The following GLYATL2 variants were observed in gnomAD, a reference collection of about 807,000 sequenced individuals.
GLYATL2 encodes the protein glycine N-acyltransferase-like protein 2.
In GLYATL2, 25 loss-of-function variants were observed where a neutral mutation model predicts 21.4. The observed-to-expected ratio is 1.17, with a 90% CI of 0.85 to 1.63. The LOEUF (loss-of-function observed/expected upper bound fraction) is 1.63. Among genes scored for constraint, GLYATL2 ranks in the 40% most tolerant of loss-of-function variants. The probability of loss-of-function intolerance (pLI) is 0.00; values close to 1 mark genes in which losing one functional copy is unlikely to be tolerated. For synonymous variants in GLYATL2, 114 were observed against 118.2 expected (o/e 0.96, Z 0.23); for missense variants, 361 against 343.3 (o/e 1.05, Z -0.41).
At chr11:58,901,043 A>C (rs1854730147) in intron 1 of GLYATL2, among the ~76,000 whole-genome samples, 1 of 152,226 alleles carries the variant, frequency 6.6e-6, no homozygotes, top group Admixed American at 6.5e-5. Flanking sequence ...GAGTAACTGC[A>C]AATCCAGGGC....
chr11:58,842,863 C>T (rs904564759), intron 1 of GLYATL2, among the ~76,000 whole-genome samples: 1 of 152,098 alleles, frequency 6.6e-6, no homozygotes, highest in African/African-American at 2.4e-5. Context: ...ACTGTGACCA[C>T]CATCACACAG....
At chr11:58,889,392 G>C (rs1854501430) in intron 1 of GLYATL2, among the ~76,000 whole-genome samples, 1 of 151,646 alleles carries the variant, frequency 6.6e-6, no homozygotes. Context: ...TTAGTTTCTT[G>C]CCTTATTGCA....
At chr11:58,874,928 C>G (rs2134606336) in intron 1 of GLYATL2, among the ~76,000 whole-genome samples, 1 of 152,236 alleles carries the variant, frequency 6.6e-6, no homozygotes, top group African/African-American at 2.4e-5. Flanking sequence ...GAGTCTAAGT[C>G]TCTTTGTAGG....
intron 1 of GLYATL2, among the ~76,000 whole-genome samples, chr11:58,840,176 A>T (rs1311667358): frequency 6.6e-6 from 1 of 152,182 alleles, no homozygotes; most frequent in Non-Finnish European, 1.5e-5. Flanking sequence ...CATAGGAAGA[A>T]AAAATTGTTG....
At chr11:58,875,853 G>A (rs955708182) in intron 1 of GLYATL2, among the ~76,000 whole-genome samples, 16 of 152,228 alleles carry the variant, frequency 1.1e-4, no homozygotes, top group African/African-American at 1.9e-4. Flanking sequence ...CTGGATTGGG[G>A]AAGTTCTCCT....
intron 1 of GLYATL2, among the ~76,000 whole-genome samples, chr11:58,888,161 C>T (rs1382342590): frequency 6.6e-6 from 1 of 152,060 alleles, no homozygotes; most frequent in Non-Finnish European, 1.5e-5. Context: ...CATTTTTACA[C>T]TGGGGTTTTG....
intron 1 of GLYATL2, among the ~76,000 whole-genome samples, chr11:58,881,617 T>C (rs1297077778): frequency 6.6e-6 from 1 of 152,190 alleles, no homozygotes; most frequent in Non-Finnish European, 1.5e-5. Context: ...CTTTAAGTTG[T>C]AGGGAACATG....
upstream of GLYATL2, among the ~76,000 whole-genome samples, chr11:58,846,260 G>C (rs11229662): frequency 0.2 from 30,236 of 151,770 alleles, 3,188 homozygotes; most frequent in East Asian, 0.26. Flanking sequence ...ATAATGGGGA[G>C]GAGAAGCAAA....
upstream of GLYATL2, among the ~76,000 whole-genome samples, chr11:58,906,399 T>C (rs1854886504): frequency 6.6e-6 from 1 of 152,080 alleles, no homozygotes; most frequent in Non-Finnish European, 1.5e-5. Flanking sequence ...TGAGACCAGG[T>C]TCGGTTAAGC....
intron 1 of GLYATL2, among the ~76,000 whole-genome samples, chr11:58,886,919 G>T (rs951858628): frequency 6.6e-6 from 1 of 152,218 alleles, no homozygotes; most frequent in African/African-American, 2.4e-5. Context: ...AAGGGGTAAA[G>T]GGGATGGGAA....
intron 1 of GLYATL2, among the ~76,000 whole-genome samples, chr11:58,877,274 T>A (rs1271549566): frequency 6.6e-6 from 1 of 152,214 alleles, no homozygotes; most frequent in Non-Finnish European, 1.5e-5. Flanking sequence ...GGCTCATGTA[T>A]GGTGTGCTGC....
intron 1 of GLYATL2, among the ~76,000 whole-genome samples, chr11:58,854,707 G>A (rs1248961010): frequency 1.7e-5 from 2 of 115,214 alleles, no homozygotes; most frequent in Non-Finnish European, 4.0e-5. Context: ...AATGCTATTT[G>A]GTAGCATTTT....
chr11:58,900,562 G>C (rs1229178468), intron 1 of GLYATL2, among the ~76,000 whole-genome samples: 1 of 152,126 alleles, frequency 6.6e-6, no homozygotes, highest in East Asian at 1.9e-4. Context: ...CTTACACCGT[G>C]ACGCTTTTAA....
chr11:58,852,544 A>G lies in GLYATL2; in HGVS notation n.61-14176T>C, dbSNP rs956940229. ...TATGAGGTAATCATTACTATTATCC[A>G]CATTTTATGGAGCAGGAAATTGAGA... On this transcript the variant is annotated intron_variant and non_coding_transcript_variant, in intron 1 of 4. Coordinates refer to the GLYATL2 transcript ENST00000533636. Among the ~76,000 whole-genome samples, 6 of 152,172 alleles carry G rather than the reference A, an allele frequency of 3.9e-5. 1 individual carries two copies. The highest frequency in any genetic ancestry group is 2.6e-4 in the Admixed American group (4 of 15,272).
chr11:58,900,465 A>G (rs1436486445), intron 1 of GLYATL2, among the ~76,000 whole-genome samples: 1 of 152,108 alleles, frequency 6.6e-6, no homozygotes, highest in Non-Finnish European at 1.5e-5. Flanking sequence ...CTCTCTCCCT[A>G]TTCTCTCTCC....
chr11:58,895,596 C>T (rs1449702650), intron 1 of GLYATL2, among the ~76,000 whole-genome samples: 1 of 152,160 alleles, frequency 6.6e-6, no homozygotes, highest in Non-Finnish European at 1.5e-5. Flanking sequence ...TGATCATCAC[C>T]TATCAGGGGC....
intron 1 of GLYATL2, among the ~76,000 whole-genome samples, chr11:58,884,709 G>A (rs1246318469): frequency 6.6e-6 from 1 of 152,082 alleles, no homozygotes; most frequent in Non-Finnish European, 1.5e-5. Context: ...TTCATATATG[G>A]TTTCAAAATC....
chr11:58,853,801 AC>A (rs1218034096), intron 1 of GLYATL2, among the ~76,000 whole-genome samples: 1 of 152,246 alleles, frequency 6.6e-6, no homozygotes, highest in Non-Finnish European at 1.5e-5. Context: ...ACTATCATAT[AC>A]TTTTAAGGTT....
chr11:58,873,623 C>A (rs569681805), intron 1 of GLYATL2, among the ~76,000 whole-genome samples: 1 of 152,206 alleles, frequency 6.6e-6, no homozygotes, highest in African/African-American at 2.4e-5. Context: ...GCCTTGCATC[C>A]CAGGGATGAA....
Sources: allele counts gnomAD v4.1 joint callset (sites outside exome capture counted in the v4.1 genomes callset), GRCh38; gene constraint gnomAD v4.1.1; transcripts MANE v1.5; gene names NCBI Gene and HGNC (gene_info 2026-07-23, HGNC 2026-07-21).